MEMO1: variants seen among roughly 807,000 people sequenced by gnomAD.
MEMO1 encodes protein MEMO1.
MEMO1 carries 6 observed loss-of-function variants against 45.2 expected under a neutral mutation model. That is an observed-to-expected ratio of 0.13 (90% CI 0.07 to 0.26). MEMO1 has a LOEUF of 0.26. Among genes scored for constraint, MEMO1 ranks in the 10% least tolerant of loss-of-function variants. The probability of loss-of-function intolerance (pLI) is 1.00; values close to 1 mark genes in which losing one functional copy is unlikely to be tolerated. For missense variants in MEMO1, 184 were observed against 370.5 expected (o/e 0.50, Z 4.13); for synonymous variants, 78 against 124.3 (o/e 0.63, Z 2.48).
intron 7 of MEMO1, among the ~76,000 whole-genome samples, chr2:31,886,607 T>C (rs1460037039): frequency 6.6e-6 from 1 of 152,158 alleles, no homozygotes; most frequent in Non-Finnish European, 1.5e-5. Flanking sequence ...TTAAAATAAA[T>C]TATATGTATC....
chr2:31,969,623 GTGTGTGTGTGTT>G (rs1162852807), intron 2 of MEMO1, among the ~76,000 whole-genome samples: 20 of 148,526 alleles, frequency 1.3e-4, no homozygotes, highest in African/African-American at 3.5e-4. Flanking sequence ...GTGTGTGTGT[GTGTGTGTGTGTT>G]TAAGACAGGC....
chr2:31,925,872 A>C (rs998741463), intron 4 of MEMO1, among the ~76,000 whole-genome samples: 7 of 152,138 alleles, frequency 4.6e-5, no homozygotes, highest in African/African-American at 1.4e-4. Flanking sequence ...TTAATATTCT[A>C]TATGACAAAA....
chr2:31,869,353 A>C (rs1673325723), intron 9 of MEMO1, among the ~76,000 whole-genome samples: 1 of 152,156 alleles, frequency 6.6e-6, no homozygotes, highest in African/African-American at 2.4e-5. Flanking sequence ...AAATCCAGCT[A>C]ACCGAAACTT....
At chr2:32,003,907 G>C (rs977487029) in intron 2 of MEMO1, among the ~76,000 whole-genome samples, 18 of 152,142 alleles carry the variant, frequency 1.2e-4, no homozygotes, top group Admixed American at 1.2e-3. Flanking sequence ...TTAACAATTA[G>C]CCAAGGATGA....
intron 4 of MEMO1, among the ~76,000 whole-genome samples, chr2:31,931,831 A>G (rs548202561): frequency 6.6e-6 from 1 of 152,314 alleles, no homozygotes; most frequent in East Asian, 1.9e-4. Flanking sequence ...TTTAACCTTC[A>G]TAACTAAACA....
rs151080799 is a variant in MEMO1, at chr2:31,966,757, A to G, written c.62-23374T>C. 4.3e-3 allele frequency among the ~76,000 whole-genome samples: 633 copies of G among 146,308 alleles called. 10 individuals are homozygous for G. The highest frequency in any genetic ancestry group is 0.015 in the African/African-American group (622 of 40,442). On this transcript the variant is annotated intron_variant, in intron 2 of 9. Coordinates refer to ENST00000404530, the MANE Select transcript of MEMO1 (RefSeq NM_001301833.4). ...CAAAAAAAAAAAATGAAAAAAATAA[A>G]AAGGGAGATAAAATAAAATCTTTGG...
intron 2 of MEMO1, among the ~76,000 whole-genome samples, chr2:31,987,908 G>A (rs954800472): frequency 3.3e-5 from 5 of 152,030 alleles, no homozygotes; most frequent in African/African-American, 9.7e-5. Context: ...GGTGAAGGAC[G>A]AAAAATAAAA....
intron 6 of MEMO1, among the ~76,000 whole-genome samples, chr2:31,893,616 T>A (rs888549039): frequency 6.6e-6 from 1 of 152,130 alleles, no homozygotes; most frequent in African/African-American, 2.4e-5. Context: ...TCAAGTGCCA[T>A]CCCCACCACA....
intron 8 of MEMO1, among the ~76,000 whole-genome samples, 160 bp from the exon 9 acceptor site, chr2:31,870,112 T>G (rs1370971784): frequency 6.6e-6 from 1 of 152,100 alleles, no homozygotes; most frequent in Non-Finnish European, 1.5e-5. Context: ...ATCAAACTCA[T>G]TCATCAAAGC....
Position 31,889,013 on chromosome 2 carries a change from T to C in MEMO1, c.580+2979A>G, listed in dbSNP as rs920010399. 4.6e-5 allele frequency among the ~76,000 whole-genome samples: 7 copies of C among 152,202 alleles called. No individual in the cohort carries two copies. The East Asian group carries it at 5.8e-4, about 13-fold the overall frequency. On this transcript the variant is annotated intron_variant, in intron 7 of 9. Coordinates refer to ENST00000404530, the MANE Select transcript of MEMO1 (RefSeq NM_001301833.4). ...AAAATAAATTTAAGAAAATAAATCATGTTTATAAAGAACACTGGCTAACAA... is the reference window on the plus strand; with the variant it reads ...AAAATAAATTTAAGAAAATAAATCACGTTTATAAAGAACACTGGCTAACAA...
intron 2 of MEMO1, among the ~76,000 whole-genome samples, chr2:31,961,672 G>A (rs931349413): frequency 2.6e-5 from 4 of 151,948 alleles, no homozygotes; most frequent in Admixed American, 2.6e-4. Context: ...CAGCTACTCA[G>A]GAAGCTGAGG....
chr2:31,962,126 C>T lies in MEMO1; in HGVS notation c.62-18743G>A, dbSNP rs1236774742. ...AAGAATGGCCAGGAATGGTGGTTTA[C>T]ACCTGTAATCCCACCATTCTGGGAG... On this transcript the variant is annotated intron_variant, in intron 2 of 9. Coordinates refer to ENST00000404530, the MANE Select transcript of MEMO1 (RefSeq NM_001301833.4). Among the ~76,000 whole-genome samples the T allele has an allele frequency of 2.0e-5, 3 of 152,060 alleles. No individual in the cohort carries two copies. The East Asian group carries it at 5.8e-4, about 29-fold the overall frequency.
chr2:31,894,987 T>C (rs1038053776), intron 6 of MEMO1, among the ~76,000 whole-genome samples: 1 of 152,070 alleles, frequency 6.6e-6, no homozygotes, highest in African/African-American at 2.4e-5. Context: ...AATTAAGGAA[T>C]TGCAGGTGGG....
intron 8 of MEMO1, among the ~76,000 whole-genome samples, chr2:31,880,355 A>G (rs560368242): frequency 1.3e-5 from 2 of 152,324 alleles, no homozygotes; most frequent in African/African-American, 4.8e-5. Context: ...TAAAATTCTA[A>G]AGGTAAAAGT....
At chr2:31,954,175 T>A (rs1667151184) in intron 2 of MEMO1, among the ~76,000 whole-genome samples, 1 of 152,162 alleles carries the variant, frequency 6.6e-6, no homozygotes, top group Non-Finnish European at 1.5e-5. Context: ...AACACCAAGC[T>A]TACTGTGCTG....
chr2:31,947,899 A>C (rs1666371256), intron 2 of MEMO1, among the ~76,000 whole-genome samples: 1 of 152,166 alleles, frequency 6.6e-6, no homozygotes. Flanking sequence ...AACTAAGCCA[A>C]ATTGGTTTTC....
intron 2 of MEMO1, among the ~76,000 whole-genome samples, chr2:31,945,590 G>A (rs758903121): frequency 2.0e-5 from 3 of 152,152 alleles, no homozygotes; most frequent in Non-Finnish European, 2.9e-5. Flanking sequence ...GCTTAGAGAT[G>A]TATGTAAATC....
chr2:31,882,452 A>G (rs1558474475), intron 8 of MEMO1, among the ~76,000 whole-genome samples: 1 of 152,214 alleles, frequency 6.6e-6, no homozygotes, highest in Non-Finnish European at 1.5e-5. Context: ...CAATGATGTG[A>G]GTTTATTATG....
At chr2:32,007,498 AAAG>A (rs1027435903) in intron 2 of MEMO1, among the ~76,000 whole-genome samples, 164 of 152,366 alleles carry the variant, frequency 1.1e-3, no homozygotes, top group African/African-American at 3.7e-3. Flanking sequence ...GGATAAACAA[AAAG>A]AAGATATATG....
Sources: allele counts gnomAD v4.1 joint callset (sites outside exome capture counted in the v4.1 genomes callset), GRCh38; gene constraint gnomAD v4.1.1; transcripts MANE v1.5; gene names NCBI Gene and HGNC (gene_info 2026-07-23, HGNC 2026-07-21).